Variants in MYO16 observed in about 807,000 individuals in gnomAD.
The protein encoded by MYO16 is myosin XVI.
In MYO16, 94 loss-of-function variants were observed where a neutral mutation model predicts 205.3. The ratio of observed to expected loss-of-function variants is 0.46; its 90% CI spans 0.39 to 0.54. The LOEUF (loss-of-function observed/expected upper bound fraction) is 0.54. Among genes scored for constraint, MYO16 ranks in the 20% least tolerant of loss-of-function variants. The pLI is 0.00. For synonymous variants in MYO16, 988 were observed against 954.0 expected (o/e 1.04, Z -0.66); for missense variants, 2,315 against 2,387.5 (o/e 0.97, Z 0.63).
the MYO16 span, among the ~76,000 whole-genome samples, chr13:108,549,686 T>C: frequency 6.6e-6 from 1 of 152,052 alleles, no homozygotes; most frequent in African/African-American, 2.4e-5. Context: ...GGTGGGTTAA[T>C]GGGAGTGGGG....
At chr13:108,826,026 A>C (rs1219714786) in intron 9 of MYO16, among the ~76,000 whole-genome samples, 2 of 152,118 alleles carry the variant, frequency 1.3e-5, no homozygotes, top group African/African-American at 4.8e-5. Flanking sequence ...TTGTTAACAC[A>C]ATCTCTATAA....
intron 27 of MYO16, among the ~76,000 whole-genome samples, chr13:109,069,354 T>C (rs1024713389): frequency 1.3e-5 from 2 of 152,206 alleles, no homozygotes; most frequent in African/African-American, 4.8e-5. Flanking sequence ...CATTTTCTTA[T>C]TTTACTCAGT....
intron 21 of MYO16, among the ~76,000 whole-genome samples, chr13:109,000,601 A>AT (rs1885181006): frequency 6.6e-6 from 1 of 152,214 alleles, no homozygotes; most frequent in African/African-American, 2.4e-5. Flanking sequence ...TTAGAAGTTT[A>AT]TTACTAAACA....
chr13:108,730,969 T>C (rs1339623868), intron 4 of MYO16, among the ~76,000 whole-genome samples: 1 of 152,236 alleles, frequency 6.6e-6, no homozygotes, highest in Non-Finnish European at 1.5e-5. Context: ...ACGAATATTA[T>C]ACTTGTTTAA....
chr13:108,585,622 G>A, the MYO16 span, among the ~76,000 whole-genome samples: 1 of 152,218 alleles, frequency 6.6e-6, no homozygotes, highest in African/African-American at 2.4e-5. Flanking sequence ...TTTCCCACAA[G>A]AGACTTTGCA....
At chr13:108,757,427 C>G (rs182540213) in intron 4 of MYO16, among the ~76,000 whole-genome samples, 1 of 152,212 alleles carries the variant, frequency 6.6e-6, no homozygotes, top group East Asian at 1.9e-4. Context: ...ACCTTTCATC[C>G]AAAGACTTAC....
chr13:108,879,318 G>C (rs1879487349), intron 12 of MYO16, among the ~76,000 whole-genome samples: 1 of 152,170 alleles, frequency 6.6e-6, no homozygotes, highest in Non-Finnish European at 1.5e-5. Context: ...TTTTAAATGT[G>C]TGTAAAATGT....
At position 109,207,223 on chromosome 13, in the gene MYO16, C is replaced by T. The variant is rs1880641012; in HGVS notation, c.*387C>T. 5.4e-6 allele frequency: 1 copy of T among 184,966 alleles called. No homozygotes were observed. The highest frequency in any genetic ancestry group is 5.5e-5 in the Admixed American group (1 of 18,226). The allele number at this position is 184,966 out of a possible 1,614,324, so 11.5% of individuals were successfully genotyped here. ...ACGGTTCAACAGTCTGTTTATTGTACTTCCAATGGTTTTATTATAATACAG... is the reference window on the plus strand; with the variant it reads ...ACGGTTCAACAGTCTGTTTATTGTATTTCCAATGGTTTTATTATAATACAG... On this transcript the variant is annotated 3_prime_UTR_variant, in exon 35 of 35. Coordinates refer to ENST00000457511, the MANE Select transcript of MYO16 (RefSeq NM_001198950.3).
intron 28 of MYO16, among the ~76,000 whole-genome samples, chr13:109,116,425 C>T (rs1348212030): frequency 3.3e-5 from 5 of 152,114 alleles, no homozygotes; most frequent in Non-Finnish European, 7.4e-5. Context: ...CTCATTTGTG[C>T]TTCGATTGCA....
intron 1 of MYO16, among the ~76,000 whole-genome samples, chr13:108,604,329 CAAGT>C (rs2139305005): frequency 6.6e-6 from 1 of 152,084 alleles, no homozygotes; most frequent in African/African-American, 2.4e-5. Context: ...ATCCCTGCAC[CAAGT>C]AACTAAATCT....
intron 20 of MYO16, among the ~76,000 whole-genome samples, chr13:108,986,570 C>T (rs1280800979): frequency 1.4e-5 from 2 of 144,662 alleles, no homozygotes; most frequent in Non-Finnish European, 3.0e-5. Context: ...TGTGGTGAGC[C>T]GAGATGGTGC....
chr13:108,954,031 A>G (rs1371922168), intron 16 of MYO16, among the ~76,000 whole-genome samples: 3 of 152,162 alleles, frequency 2.0e-5, no homozygotes, highest in Non-Finnish European at 4.4e-5. Flanking sequence ...GTCTGCAACT[A>G]CCGGGATTTC....
chr13:108,906,264 C>T (rs1364234952), intron 15 of MYO16, among the ~76,000 whole-genome samples: 1 of 152,098 alleles, frequency 6.6e-6, no homozygotes, highest in Non-Finnish European at 1.5e-5. Context: ...GAATACTTGC[C>T]TTTTGATGTT....
intron 16 of MYO16, among the ~76,000 whole-genome samples, chr13:108,916,875 C>T (rs1303451237): frequency 1.3e-5 from 2 of 152,080 alleles, no homozygotes; most frequent in African/African-American, 2.4e-5. Context: ...AACTAAGGTA[C>T]GTTTGGTTTC....
chr13:109,200,699 T>TG (rs949058827), intron 34 of MYO16, among the ~76,000 whole-genome samples: 2 of 151,210 alleles, frequency 1.3e-5, no homozygotes, highest in African/African-American at 2.4e-5. Flanking sequence ...TTTTTTTTTT[T>TG]GTCAAAATCC....
At chr13:108,866,786 A>G (rs1040964463) in intron 12 of MYO16, among the ~76,000 whole-genome samples, 1 of 152,184 alleles carries the variant, frequency 6.6e-6, no homozygotes, top group Non-Finnish European at 1.5e-5. Context: ...ACTATATCAT[A>G]GGAGCTATTT....
intron 27 of MYO16, among the ~76,000 whole-genome samples, chr13:109,061,727 G>A (rs1444652216): frequency 6.6e-6 from 1 of 152,174 alleles, no homozygotes; most frequent in Non-Finnish European, 1.5e-5. Flanking sequence ...AATATGACAG[G>A]CATTACCCAA....
chr13:108,779,354 A>G (rs1205178428), intron 4 of MYO16, among the ~76,000 whole-genome samples: 1 of 152,244 alleles, frequency 6.6e-6, no homozygotes, highest in Non-Finnish European at 1.5e-5. Flanking sequence ...TAGTAAAAAA[A>G]CAAACAAAAC....
chr13:109,014,393 G>T (rs1375705010), intron 22 of MYO16, among the ~76,000 whole-genome samples: 3 of 152,178 alleles, frequency 2.0e-5, no homozygotes, highest in African/African-American at 7.2e-5. Flanking sequence ...TTGAAGTCAG[G>T]TAGCATGATG....
Sources: allele counts gnomAD v4.1 joint callset (sites outside exome capture counted in the v4.1 genomes callset), GRCh38; gene constraint gnomAD v4.1.1; transcripts MANE v1.5; gene names NCBI Gene and HGNC (gene_info 2026-07-23, HGNC 2026-07-21).